GRID2: variants seen among roughly 807,000 people sequenced by gnomAD.
GRID2 encodes glutamate receptor ionotropic, delta-2.
Under a neutral mutation model 114.8 loss-of-function variants are expected in GRID2, and 33 were observed. The observed-to-expected ratio is 0.29, with a 90% CI of 0.22 to 0.38. GRID2 has a LOEUF of 0.38. GRID2 is among the 10% of genes least tolerant of loss of function. The pLI, the probability that GRID2 is intolerant of heterozygous loss-of-function variation, is 1.00. For missense variants in GRID2, 1,184 were observed against 1,257.7 expected (o/e 0.94, Z 0.89); for synonymous variants, 505 against 449.9 (o/e 1.12, Z -1.55).
chr4:93,205,749 G>T (rs1742674595), intron 4 of GRID2, among the ~76,000 whole-genome samples: 1 of 151,992 alleles, frequency 6.6e-6, no homozygotes, highest in Admixed American at 6.6e-5. Context: ...TTCCACAATG[G>T]TTGAACTAGT....
At chr4:93,308,902 G>A (rs1293616213) in intron 8 of GRID2, among the ~76,000 whole-genome samples, 1 of 152,134 alleles carries the variant, frequency 6.6e-6, no homozygotes, top group African/African-American at 2.4e-5. Flanking sequence ...TATTTTGAGG[G>A]TGGGTGTAAG....
intron 9 of GRID2, among the ~76,000 whole-genome samples, chr4:93,420,382 G>A (rs530752276): frequency 4.6e-5 from 7 of 152,228 alleles, no homozygotes; most frequent in Non-Finnish European, 7.4e-5. Flanking sequence ...TGTACAAGGC[G>A]TAATCATTGG....
chr4:93,571,045 A>G (rs1287475068), intron 13 of GRID2, among the ~76,000 whole-genome samples: 1 of 152,154 alleles, frequency 6.6e-6, no homozygotes, highest in Admixed American at 6.6e-5. Flanking sequence ...AGGGTGAGAG[A>G]GAATATTATT....
intron 11 of GRID2, among the ~76,000 whole-genome samples, chr4:93,488,764 T>G (rs1560673385): frequency 6.6e-6 from 1 of 151,954 alleles, no homozygotes; most frequent in African/African-American, 2.4e-5. Flanking sequence ...TCCTGAGGCC[T>G]CTCCCCTTGG....
intron 8 of GRID2, among the ~76,000 whole-genome samples, chr4:93,262,233 A>T (rs1750337167): frequency 6.6e-6 from 1 of 151,976 alleles, no homozygotes; most frequent in African/African-American, 2.4e-5. Context: ...CTTATATATT[A>T]GGGCAATAAG....
At chr4:92,670,340 G>A (rs1293511165) in intron 2 of GRID2, among the ~76,000 whole-genome samples, 1 of 151,956 alleles carries the variant, frequency 6.6e-6, no homozygotes, top group Non-Finnish European at 1.5e-5. Context: ...CCACAGATTT[G>A]TTATCATTTT....
chr4:93,054,018 C>T (rs751389287), intron 2 of GRID2, among the ~76,000 whole-genome samples: 3 of 151,928 alleles, frequency 2.0e-5, no homozygotes, highest in Non-Finnish European at 4.4e-5. Context: ...CTAATTGCTA[C>T]TACTGTCCAA....
chr4:92,378,399 T>C (rs1729456904), intron 1 of GRID2, among the ~76,000 whole-genome samples: 1 of 152,142 alleles, frequency 6.6e-6, no homozygotes, highest in Non-Finnish European at 1.5e-5. Flanking sequence ...GTGCTGGATT[T>C]ACAGTTTAAG....
At chr4:93,186,569 TC>T (rs1390989083) in intron 4 of GRID2, among the ~76,000 whole-genome samples, 9 of 152,202 alleles carry the variant, frequency 5.9e-5, no homozygotes, top group South Asian at 4.1e-4. Context: ...TACATGCTCT[TC>T]CCACTCTAGC....
chr4:92,836,992 G>C (rs919427463), intron 2 of GRID2, among the ~76,000 whole-genome samples: 1 of 152,148 alleles, frequency 6.6e-6, no homozygotes. Context: ...AAAACACCAA[G>C]GGTTCAGTCT....
intron 13 of GRID2, among the ~76,000 whole-genome samples, chr4:93,567,785 C>T (rs2149574598): frequency 6.6e-6 from 1 of 152,254 alleles, no homozygotes; most frequent in South Asian, 2.1e-4. Context: ...AGGGTCACTG[C>T]CATGCTCCCA....
intron 2 of GRID2, among the ~76,000 whole-genome samples, chr4:92,741,699 C>T (rs1736900972): frequency 6.6e-6 from 1 of 152,186 alleles, no homozygotes; most frequent in Non-Finnish European, 1.5e-5. Context: ...TCTTGTCTGT[C>T]CGTTCAAATG....
chr4:93,658,501 TA>T (rs927666560), intron 14 of GRID2, among the ~76,000 whole-genome samples: 2 of 151,930 alleles, frequency 1.3e-5, no homozygotes, highest in African/African-American at 2.4e-5. Context: ...GTTTTACAAA[TA>T]AAAAAAACTG....
intron 9 of GRID2, among the ~76,000 whole-genome samples, chr4:93,405,323 T>G (rs944452717): frequency 3.3e-5 from 5 of 152,142 alleles, no homozygotes; most frequent in Non-Finnish European, 5.9e-5. Context: ...CCATAAGAAT[T>G]GATGCATGAC....
intron 2 of GRID2, among the ~76,000 whole-genome samples, chr4:92,859,858 G>T (rs1236768999): frequency 6.6e-6 from 1 of 152,070 alleles, no homozygotes; most frequent in Non-Finnish European, 1.5e-5. Flanking sequence ...TTTCTTCATT[G>T]TGGGCATTTG....
At chr4:92,776,253 A>G (rs1250771151) in intron 2 of GRID2, among the ~76,000 whole-genome samples, 1 of 152,172 alleles carries the variant, frequency 6.6e-6, no homozygotes, top group African/African-American at 2.4e-5. Flanking sequence ...ATACCAGTAT[A>G]CTGATACAGG....
intron 2 of GRID2, among the ~76,000 whole-genome samples, chr4:92,723,238 T>C (rs149811996): frequency 6.6e-5 from 10 of 152,204 alleles, no homozygotes; most frequent in Non-Finnish European, 1.3e-4. Flanking sequence ...TTGATTAAAT[T>C]GGAATTTAAG....
At chr4:92,888,227 T>A (rs1279273907) in intron 2 of GRID2, among the ~76,000 whole-genome samples, 2 of 152,128 alleles carry the variant, frequency 1.3e-5, no homozygotes, top group Non-Finnish European at 2.9e-5. Context: ...TTCTAATTAT[T>A]AACTCCAGAA....
chr4:92,441,215 G>A (rs867566481), intron 1 of GRID2, among the ~76,000 whole-genome samples: 26 of 151,998 alleles, frequency 1.7e-4, no homozygotes, highest in African/African-American at 4.3e-4. Flanking sequence ...TTGAGAGATC[G>A]GTCGGACAAG....
Sources: allele counts gnomAD v4.1 joint callset (sites outside exome capture counted in the v4.1 genomes callset), GRCh38; gene constraint gnomAD v4.1.1; transcripts MANE v1.5; gene names NCBI Gene and HGNC (gene_info 2026-07-23, HGNC 2026-07-21).